PXDC1: variants seen among roughly 807,000 people sequenced by gnomAD.
The protein encoded by PXDC1 is PX domain-containing protein 1.
PXDC1 carries 13 observed loss-of-function variants against 24.4 expected under a neutral mutation model. That is an observed-to-expected ratio of 0.53 (90% CI 0.35 to 0.85). PXDC1 has a LOEUF of 0.85. Ranked by LOEUF, PXDC1 falls within the 40% of genes least tolerant of loss-of-function variation. The pLI, the probability that PXDC1 is intolerant of heterozygous loss-of-function variation, is 0.01. For missense variants in PXDC1, 344 were observed against 309.3 expected (o/e 1.11, Z -0.84); for synonymous variants, 162 against 124.9 (o/e 1.30, Z -1.98).
At position 3,725,548 on chromosome 6, in the gene PXDC1, C is replaced by T. The variant is rs563795673; in HGVS notation, c.579-1812G>A. Among the ~76,000 whole-genome samples the T allele has an allele frequency of 4.3e-4, 66 of 152,340 alleles. No homozygotes were observed. Among genetic ancestry groups the T allele is most frequent in the Non-Finnish European group, 8.2e-4 (56 of 68,020 alleles). On this transcript the variant is annotated intron_variant, in intron 4 of 4. Transcript: ENST00000380283. This position sits in a 1 kb window ranked among gnomAD's most constrained non-coding sequence, Gnocchi z 4.8. ...CCAGACTCGGGGCAGCCTGCTGAGACTCTGCTGTGGGGGCCCTGCTGTGGG... is the reference window on the plus strand; with the variant it reads ...CCAGACTCGGGGCAGCCTGCTGAGATTCTGCTGTGGGGGCCCTGCTGTGGG...
At chr6:3,743,507 G>C (rs1760495925) in intron 1 of PXDC1, among the ~76,000 whole-genome samples, 1 of 152,118 alleles carries the variant, frequency 6.6e-6, no homozygotes, top group Non-Finnish European at 1.5e-5. Flanking sequence ...TTTAAAGGTT[G>C]ACTATAATAC....
In PXDC1 at chr6:3,725,866, G is replaced by A. The variant is rs1413825856; in HGVS notation, c.578+1685C>T. Reference sequence around the variant, plus strand: ...GCTCCCGAGCCCCATGGCGGCAGGCGTTTCTTTGTTAGGCTTTTCTGGGGT... The same window carrying A: ...GCTCCCGAGCCCCATGGCGGCAGGCATTTCTTTGTTAGGCTTTTCTGGGGT... On this transcript the variant is annotated intron_variant, in intron 4 of 4. Coordinates refer to ENST00000380283, the MANE Select transcript of PXDC1 (RefSeq NM_183373.4). This position sits in a 1 kb window ranked among gnomAD's most constrained non-coding sequence, Gnocchi z 4.8. 1.3e-5 allele frequency among the ~76,000 whole-genome samples: 2 copies of A among 152,196 alleles called. No individual in the cohort carries two copies. The highest frequency in any genetic ancestry group is 2.4e-5 in the African/African-American group (1 of 41,458).
At chr6:3,726,187 G>T (rs1760061186) in intron 4 of PXDC1, among the ~76,000 whole-genome samples, 1 of 152,170 alleles carries the variant, frequency 6.6e-6, no homozygotes, top group Admixed American at 6.5e-5. Flanking sequence ...ATGAGGAAGG[G>T]TCTCCATCTG....
At chr6:3,739,182 G>T (rs1760400541) in intron 1 of PXDC1, 1 of 1,076,344 alleles carries the variant, frequency 9.3e-7, no homozygotes, top group Non-Finnish European at 1.1e-6. Flanking sequence ...GATAAAAAAA[G>T]ATTTCTTAAA....
Position 3,751,543 on chromosome 6 carries a change from G to GCCCCCGCCAAGGGCT in PXDC1, c.-27_-13dup, listed in dbSNP as rs760223498. ...ACCGCCGAGGCCATGTCGCACGCATGCCCCCGCCAAGGGCTCCCCAGCCCC... is the reference window on the plus strand; with the variant it reads ...ACCGCCGAGGCCATGTCGCACGCATGCCCCCGCCAAGGGCTCCCCCGCCAAGGGCTCCCCAGCCCC... On this transcript the variant is annotated 5_prime_UTR_variant, in exon 1 of 5. Coordinates refer to ENST00000380283, the MANE Select transcript of PXDC1 (RefSeq NM_183373.4). The GCCCCCGCCAAGGGCT allele has an allele frequency of 2.6e-4, 403 of 1,556,052 alleles. No individual in the cohort carries two copies. Among genetic ancestry groups the GCCCCCGCCAAGGGCT allele is most frequent in the Non-Finnish European group, 3.1e-4 (359 of 1,154,174 alleles).
intron 1 of PXDC1, among the ~76,000 whole-genome samples, chr6:3,745,143 T>C (rs1302281460): frequency 1.3e-5 from 2 of 152,158 alleles, no homozygotes; most frequent in African/African-American, 4.8e-5. Flanking sequence ...GGTGGTGACC[T>C]CCCTCTTTGT....
At chr6:3,751,255 C>T (rs776219296) in intron 1 of PXDC1, 21 bp downstream of exon 1, 6 of 1,451,836 alleles carry the variant, frequency 4.1e-6, no homozygotes, top group South Asian at 2.8e-5. Flanking sequence ...CCGCGCCCCT[C>T]CCGCGTCCCC....
In PXDC1 at chr6:3,727,712, G is replaced by C. The variant is rs201740632; in HGVS notation, c.467-50C>G. On this transcript the variant is annotated intron_variant, in intron 3 of 4. Transcript: ENST00000380283. ...GTCCTCAGGAGGGGTCGGAGCTTGA[G>C]GTTTTGGAGTTTGGAACTTACTCCC... 1,252 of 1,303,722 alleles carry C rather than the reference G, an allele frequency of 9.6e-4. 4 individuals carry two copies. Among genetic ancestry groups the C allele is most frequent in the South Asian group, 3.2e-3 (266 of 83,306 alleles). 80.8% of individuals were successfully genotyped at this position (1,303,722 alleles called of 1,614,324 possible).
chr6:3,751,583 C>T lies in PXDC1; in HGVS notation c.-52G>A, dbSNP rs1477854289. The T allele has an allele frequency of 2.1e-6, 3 of 1,442,502 alleles. No homozygotes were observed. The highest frequency in any genetic ancestry group is 2.7e-6 in the Non-Finnish European group (3 of 1,102,498). The allele number at this position is 1,442,502 out of a possible 1,614,324, so 89.4% of individuals were successfully genotyped here. A position where few individuals can be genotyped will look rare whatever the true frequency, so the allele number is the denominator to read the frequency against. ...TCCCCAGCCCCGCCGCCCGCCCGCC[C>T]GCAGGAGGCGCGCCCCGGCCGGGGT... is the stretch of plus-strand genomic sequence containing the variant. On this transcript the variant is annotated 5_prime_UTR_variant, in exon 1 of 5. Coordinates refer to ENST00000380283, the MANE Select transcript of PXDC1 (RefSeq NM_183373.4).
chr6:3,750,567 T>G (rs976478410), intron 1 of PXDC1, among the ~76,000 whole-genome samples: 1 of 151,726 alleles, frequency 6.6e-6, no homozygotes, highest in South Asian at 2.1e-4. Context: ...GGCAGAGCGG[T>G]AGGAAAAGGG....
chr6:3,746,020 T>G (rs148450035), intron 1 of PXDC1, among the ~76,000 whole-genome samples: 2 of 152,306 alleles, frequency 1.3e-5, no homozygotes, highest in African/African-American at 4.8e-5. Flanking sequence ...ACATATGGTG[T>G]GCGTTCAGCT....
At chr6:3,744,677 G>A (rs1760525275) in intron 1 of PXDC1, among the ~76,000 whole-genome samples, 1 of 152,336 alleles carries the variant, frequency 6.6e-6, no homozygotes, top group South Asian at 2.1e-4. Context: ...AGAACTCTGT[G>A]CACTTGGCAA....
rs1327316625 is a variant in PXDC1, at chr6:3,725,493, C to T, written c.579-1757G>A. Among the ~76,000 whole-genome samples the T allele has an allele frequency of 6.6e-6, 1 of 152,184 alleles. No individual in the cohort carries two copies. Among genetic ancestry groups the T allele is most frequent in the African/African-American group, 2.4e-5 (1 of 41,442 alleles). On this transcript the variant is annotated intron_variant, in intron 4 of 4. Coordinates refer to ENST00000380283, the MANE Select transcript of PXDC1 (RefSeq NM_183373.4). The surrounding 1 kb of genome is among the most constrained non-coding windows in gnomAD (Gnocchi z 4.8). The stretch of plus-strand genomic sequence containing the variant: ...CCTGAGTGCAGGTGGGTCTCTGGGC[C>T]CTGGCACTGGTGCCCACTTGCCCCT...
intron 1 of PXDC1, among the ~76,000 whole-genome samples, chr6:3,749,701 A>C (rs1426668533): frequency 1.3e-5 from 2 of 152,048 alleles, no homozygotes; most frequent in African/African-American, 2.4e-5. Flanking sequence ...TGCTCTTGTT[A>C]GACCCTCTAC....
chr6:3,733,522 G>A (rs1215177492), intron 3 of PXDC1, among the ~76,000 whole-genome samples: 3 of 152,152 alleles, frequency 2.0e-5, no homozygotes, highest in African/African-American at 4.8e-5. Flanking sequence ...GAGCTAGACC[G>A]GGAACAGAGA....
Position 3,737,242 on chromosome 6 carries a change from G to A in PXDC1, c.349-46C>T, listed in dbSNP as rs912721156. ...TACTAAAAACGATCAGCCTCTACACGTTGGCCCTGTCTGTCTACCAAGAGA... is the reference window on the plus strand; with the variant it reads ...TACTAAAAACGATCAGCCTCTACACATTGGCCCTGTCTGTCTACCAAGAGA... On this transcript the variant is annotated intron_variant, in intron 2 of 4. Transcript: ENST00000380283. This position sits in a 1 kb window ranked among gnomAD's most constrained non-coding sequence, Gnocchi z 5.5. 13 of 1,364,024 alleles carry A rather than the reference G, an allele frequency of 9.5e-6. No individual in the cohort carries two copies. Among genetic ancestry groups the A allele is most frequent in the South Asian group, 9.4e-5 (8 of 85,238 alleles). The allele number at this position is 1,364,024 out of a possible 1,614,324, so 84.5% of individuals were successfully genotyped here.
chr6:3,742,671 GATAA>G (rs749857305), intron 1 of PXDC1, among the ~76,000 whole-genome samples: 5 of 152,164 alleles, frequency 3.3e-5, no homozygotes, highest in African/African-American at 7.2e-5. Flanking sequence ...TCTAATTTCT[GATAA>G]ATAATCACTA....
Position 3,727,548 on chromosome 6 carries a change from T to TA in PXDC1, c.578+2dup. On this transcript the variant is annotated splice_region_variant and intron_variant, in intron 4 of 4. Coordinates refer to ENST00000380283, the MANE Select transcript of PXDC1 (RefSeq NM_183373.4). ...GAAACGATATTCAAATCAGCATACT[T>TA]ACAAATGCTCTGTTGGGTCCACGCC... 2 of 1,580,772 alleles carry TA rather than the reference T, an allele frequency of 1.3e-6. No individual in the cohort carries two copies. Among genetic ancestry groups the TA allele is most frequent in the Non-Finnish European group, 8.7e-7 (1 of 1,149,726 alleles).
chr6:3,745,698 T>C (rs1242978949), intron 1 of PXDC1, among the ~76,000 whole-genome samples: 2 of 152,134 alleles, frequency 1.3e-5, no homozygotes, highest in African/African-American at 4.8e-5. Context: ...CCTCCTACCA[T>C]GACCCAGCTG....
Sources: allele counts gnomAD v4.1 joint callset (sites outside exome capture counted in the v4.1 genomes callset), GRCh38; gene constraint gnomAD v4.1.1; non-coding constraint Gnocchi (gnomAD v3.1); transcripts MANE v1.5; gene names NCBI Gene and HGNC (gene_info 2026-07-23, HGNC 2026-07-21).